The following PLXDC2 variants were observed in gnomAD, a reference collection of about 807,000 sequenced individuals.
PLXDC2 encodes the protein plexin domain containing 2, also known as plexin domain-containing protein 2.
In PLXDC2, 40 loss-of-function variants were observed where a neutral mutation model predicts 68.9. That is an observed-to-expected ratio of 0.58 (90% CI 0.45 to 0.76). The LOEUF (loss-of-function observed/expected upper bound fraction) is 0.76. Ranked by LOEUF, PLXDC2 falls within the 30% of genes least tolerant of loss-of-function variation. The pLI, the probability that PLXDC2 is intolerant of heterozygous loss-of-function variation, is 0.00. For missense variants in PLXDC2, 644 were observed against 661.9 expected (o/e 0.97, Z 0.30); for synonymous variants, 243 against 234.2 (o/e 1.04, Z -0.34).
chr10:20,171,146 A>G (rs1370704210), intron 7 of PLXDC2, among the ~76,000 whole-genome samples: 2 of 152,124 alleles, frequency 1.3e-5, no homozygotes, highest in Admixed American at 6.6e-5. Flanking sequence ...CGAAAAATAC[A>G]AATAATCTTG....
chr10:20,226,883 C>T (rs915062374), intron 12 of PLXDC2, among the ~76,000 whole-genome samples: 2 of 151,942 alleles, frequency 1.3e-5, no homozygotes, highest in Non-Finnish European at 2.9e-5. Flanking sequence ...GACCAGGGAA[C>T]CTTCTACTGG....
intron 1 of PLXDC2, among the ~76,000 whole-genome samples, chr10:19,907,411 A>C (rs1282229043): frequency 6.6e-6 from 1 of 152,178 alleles, no homozygotes. Context: ...ATGTAGGAAA[A>C]TCAACAAGTT....
intron 12 of PLXDC2, among the ~76,000 whole-genome samples, chr10:20,243,083 T>C (rs575476865): frequency 6.9e-4 from 105 of 152,298 alleles, no homozygotes; most frequent in African/African-American, 2.3e-3. Flanking sequence ...CTTTTCAGAA[T>C]TATTTCCTAG....
At chr10:19,967,959 ATAT>A (rs1194713001) in intron 1 of PLXDC2, among the ~76,000 whole-genome samples, 7 of 152,226 alleles carry the variant, frequency 4.6e-5, no homozygotes, top group Non-Finnish European at 7.3e-5. Context: ...AAGGGAACAA[ATAT>A]TATGTGCATT....
intron 1 of PLXDC2, among the ~76,000 whole-genome samples, chr10:19,943,413 A>C (rs1470862397): frequency 6.6e-6 from 1 of 152,212 alleles, no homozygotes. Context: ...TTATGTCTTC[A>C]CTATATTTCT....
chr10:20,100,809 G>T (rs1833412286), intron 4 of PLXDC2, among the ~76,000 whole-genome samples: 2 of 151,880 alleles, frequency 1.3e-5, no homozygotes, highest in Non-Finnish European at 2.9e-5. Flanking sequence ...CACAGTGTTT[G>T]CTGAGTACTC....
At chr10:19,887,837 A>G in intron 1 of PLXDC2, among the ~76,000 whole-genome samples, 1 of 152,354 alleles carries the variant, frequency 6.6e-6, no homozygotes, top group East Asian at 1.9e-4. Flanking sequence ...TTTTCTAGAA[A>G]TAGTAATAGA....
intron 2 of PLXDC2, among the ~76,000 whole-genome samples, chr10:20,035,626 G>A (rs1835564586): frequency 6.6e-6 from 1 of 152,076 alleles, no homozygotes; most frequent in Non-Finnish European, 1.5e-5. Context: ...AACCCGGGAG[G>A]TGGAAGTTGC....
chr10:19,840,733 C>T (rs1012041256), intron 1 of PLXDC2, among the ~76,000 whole-genome samples: 21 of 151,986 alleles, frequency 1.4e-4, no homozygotes, highest in African/African-American at 5.1e-4. Flanking sequence ...AAGGACTGGC[C>T]TATCCTCATT....
chr10:20,123,152 G>C (rs1833723209), intron 4 of PLXDC2, among the ~76,000 whole-genome samples: 1 of 152,180 alleles, frequency 6.6e-6, no homozygotes, highest in Non-Finnish European at 1.5e-5. Flanking sequence ...GTGATAAAAG[G>C]ATTATAGGGT....
chr10:20,091,344 C>T (rs1160363002), intron 4 of PLXDC2, among the ~76,000 whole-genome samples: 2 of 152,198 alleles, frequency 1.3e-5, no homozygotes, highest in Non-Finnish European at 2.9e-5. Flanking sequence ...TGGCTCTCAT[C>T]GTATCCAACA....
At chr10:20,102,575 A>G (rs1453713958) in intron 4 of PLXDC2, among the ~76,000 whole-genome samples, 1 of 152,226 alleles carries the variant, frequency 6.6e-6, no homozygotes, top group Non-Finnish European at 1.5e-5. Flanking sequence ...GCTATAAATT[A>G]TGTAAGGGGT....
chr10:20,093,613 C>G (rs181225661), intron 4 of PLXDC2, among the ~76,000 whole-genome samples: 1 of 152,154 alleles, frequency 6.6e-6, no homozygotes, highest in East Asian at 1.9e-4. Context: ...TTAGTTTATA[C>G]GTAAGTTACC....
intron 1 of PLXDC2, among the ~76,000 whole-genome samples, chr10:19,994,836 G>A (rs779205645): frequency 1.1e-4 from 16 of 151,634 alleles, no homozygotes; most frequent in East Asian, 2.0e-4. Context: ...TCCGCTTCCC[G>A]TGTTCGAGTA....
chr10:20,230,554 C>T (rs1232757999), intron 12 of PLXDC2, among the ~76,000 whole-genome samples: 1 of 151,478 alleles, frequency 6.6e-6, no homozygotes, highest in African/African-American at 2.4e-5. Flanking sequence ...CACTTGTAGT[C>T]CCAGCTACAT....
At chr10:20,129,688 T>C (rs111372433) in intron 4 of PLXDC2, among the ~76,000 whole-genome samples, 4,475 of 152,168 alleles carry the variant, frequency 0.029, 96 homozygotes, top group South Asian at 0.073. Context: ...TTGATTTTTG[T>C]ATATGGTGTG....
intron 3 of PLXDC2, among the ~76,000 whole-genome samples, chr10:20,057,932 A>G (rs1836027645): frequency 6.6e-6 from 1 of 150,824 alleles, no homozygotes; most frequent in South Asian, 2.1e-4. Flanking sequence ...TAAAAAAAAA[A>G]GATGTGGGGG....
intron 6 of PLXDC2, among the ~76,000 whole-genome samples, chr10:20,159,935 A>G (rs938033577): frequency 2.6e-4 from 39 of 152,020 alleles, no homozygotes; most frequent in African/African-American, 9.2e-4. Context: ...GTTCCTCTCT[A>G]TCTTCTTACT....
intron 13 of PLXDC2, among the ~76,000 whole-genome samples, chr10:20,263,607 A>G (rs1165183820): frequency 6.6e-6 from 1 of 151,974 alleles, no homozygotes; most frequent in African/African-American, 2.4e-5. Flanking sequence ...CAAACTATGC[A>G]TCTGACAAAT....
Sources: allele counts gnomAD v4.1 joint callset (sites outside exome capture counted in the v4.1 genomes callset), GRCh38; gene constraint gnomAD v4.1.1; transcripts MANE v1.5; gene names NCBI Gene and HGNC (gene_info 2026-07-23, HGNC 2026-07-21).